PLPPR1: variants seen among roughly 807,000 people sequenced by gnomAD.
The protein encoded by PLPPR1 is phospholipid phosphatase related 1, also known as phospholipid phosphatase-related protein type 1.
Under a neutral mutation model 33.1 loss-of-function variants are expected in PLPPR1, and 10 were observed. The ratio of observed to expected loss-of-function variants is 0.30; its 90% CI spans 0.19 to 0.51. The LOEUF (loss-of-function observed/expected upper bound fraction) is 0.51. Ranked by LOEUF, PLPPR1 falls within the 20% of genes least tolerant of loss-of-function variation. The pLI, the probability that PLPPR1 is intolerant of heterozygous loss-of-function variation, is 0.97. For synonymous variants in PLPPR1, 151 were observed against 151.0 expected (o/e 1.00, Z 0.00); for missense variants, 304 against 408.1 (o/e 0.74, Z 2.20).
intron 5 of PLPPR1, among the ~76,000 whole-genome samples, chr9:101,309,847 G>A (rs553163665): frequency 9.2e-5 from 14 of 152,094 alleles, no homozygotes; most frequent in African/African-American, 2.9e-4. Context: ...CGTTGGTTTC[G>A]GAACAGCACA....
chr9:101,245,859 A>T (rs1462189266), intron 2 of PLPPR1, among the ~76,000 whole-genome samples: 1 of 151,688 alleles, frequency 6.6e-6, no homozygotes, highest in Admixed American at 6.6e-5. Flanking sequence ...GTCAAATTAC[A>T]TATTTTGACA....
At chr9:101,312,996 T>C in intron 6 of PLPPR1, 22 bp downstream of exon 6, 1 of 1,612,492 alleles carries the variant, frequency 6.2e-7, no homozygotes, top group South Asian at 1.1e-5. Context: ...TCCCTCTTTT[T>C]ACCTTTTCCC....
At chr9:101,100,941 T>G (rs1224176843) in intron 1 of PLPPR1, among the ~76,000 whole-genome samples, 3 of 152,144 alleles carry the variant, frequency 2.0e-5, no homozygotes, top group Non-Finnish European at 4.4e-5. Context: ...AATGCAGATC[T>G]GCCTGATCTC....
chr9:101,062,211 A>C (rs1272328357), intron 1 of PLPPR1, among the ~76,000 whole-genome samples: 1 of 151,276 alleles, frequency 6.6e-6, no homozygotes, highest in South Asian at 2.1e-4. Flanking sequence ...CACAAACCTG[A>C]GCATTTCATG....
intron 1 of PLPPR1, among the ~76,000 whole-genome samples, chr9:101,182,967 G>C (rs1238613841): frequency 6.6e-6 from 1 of 151,642 alleles, no homozygotes; most frequent in Non-Finnish European, 1.5e-5. Flanking sequence ...CAGTAGAATA[G>C]CTATAATAAA....
intron 1 of PLPPR1, among the ~76,000 whole-genome samples, chr9:101,043,018 T>G (rs980372313): frequency 2.0e-5 from 3 of 152,114 alleles, no homozygotes; most frequent in Non-Finnish European, 4.4e-5. Flanking sequence ...CCGGAGCAGT[T>G]ACACAGAACC....
chr9:101,318,444 T>G (rs1564037717), intron 7 of PLPPR1, among the ~76,000 whole-genome samples: 1 of 151,874 alleles, frequency 6.6e-6, no homozygotes, highest in Non-Finnish European at 1.5e-5. Flanking sequence ...ATTGAATAGA[T>G]ACTATAATTC....
chr9:101,233,048 G>C (rs1319040036), intron 2 of PLPPR1, among the ~76,000 whole-genome samples: 2 of 151,948 alleles, frequency 1.3e-5, no homozygotes, highest in Non-Finnish European at 2.9e-5. Flanking sequence ...ACCTGTGTTG[G>C]AATATACGTC....
intron 1 of PLPPR1, chr9:101,125,522 C>T: frequency 2.5e-6 from 1 of 397,584 alleles, no homozygotes; most frequent in Non-Finnish European, 4.7e-6. Flanking sequence ...GGACCCTGGA[C>T]CCAGCACCAG....
intron 1 of PLPPR1, among the ~76,000 whole-genome samples, chr9:101,112,490 C>T (rs1409529274): frequency 6.6e-6 from 1 of 152,144 alleles, no homozygotes; most frequent in Non-Finnish European, 1.5e-5. Context: ...CAGATGCAAA[C>T]AGTGTCATTA....
intron 2 of PLPPR1, among the ~76,000 whole-genome samples, chr9:101,203,718 T>TTATATAGATGTTATATATCTATCTATA (rs1826535354): frequency 6.9e-6 from 1 of 144,982 alleles, no homozygotes; most frequent in Non-Finnish European, 1.5e-5. Context: ...TATATACACA[T>TTATATAGATGTTATATATCTATCTATA]TATATAGATA....
At chr9:101,128,152 GT>G (rs1831268945) in intron 1 of PLPPR1, among the ~76,000 whole-genome samples, 1 of 152,114 alleles carries the variant, frequency 6.6e-6, no homozygotes, top group Non-Finnish European at 1.5e-5. Flanking sequence ...CATGGGCTCT[GT>G]GTCTAGAGAT....
At chr9:101,213,577 G>A (rs1019014639) in intron 2 of PLPPR1, among the ~76,000 whole-genome samples, 2 of 152,040 alleles carry the variant, frequency 1.3e-5, no homozygotes, top group Admixed American at 6.6e-5. Context: ...CCATTATCTG[G>A]AGCAATCATG....
chr9:101,106,067 G>T (rs1225289043), intron 1 of PLPPR1, among the ~76,000 whole-genome samples: 6 of 151,372 alleles, frequency 4.0e-5, no homozygotes, highest in African/African-American at 1.5e-4. Flanking sequence ...TGGGTTTCCT[G>T]AATACAGCAC....
rs867893062 is a variant in PLPPR1 at position 101,167,199 on chromosome 9, T to A, written c.-45-18251T>A. ...GTGTGTGTGTCTTTCTCTCTCTCTC[T>A]CACACACACACACATACACACACAC... On this transcript the variant is annotated intron_variant, in intron 1 of 7. Transcript: ENST00000374874. Among the ~76,000 whole-genome samples, 146 of 51,754 alleles carry A rather than the reference T, an allele frequency of 2.8e-3. 7 individuals are homozygous for A. The Middle Eastern group carries it at 0.037, about 13-fold the overall frequency. The allele number at this position is 51,754 out of a possible 152,430, so 34.0% of individuals were successfully genotyped here. A position where few individuals can be genotyped will look rare whatever the true frequency, so the allele number is the denominator to read the frequency against.
At chr9:101,124,072 T>C (rs962639610) in intron 1 of PLPPR1, among the ~76,000 whole-genome samples, 9 of 152,192 alleles carry the variant, frequency 5.9e-5, no homozygotes, top group Non-Finnish European at 1.5e-5. Flanking sequence ...TATTACTAGC[T>C]ATCATTATTT....
At chr9:101,263,037 G>A (rs541582391) in intron 2 of PLPPR1, among the ~76,000 whole-genome samples, 15 of 152,276 alleles carry the variant, frequency 9.9e-5, no homozygotes, top group Middle Eastern at 3.4e-3. Flanking sequence ...ATAGCATTAG[G>A]AGAAATACCT....
Position 101,199,482 on chromosome 9 carries a change from C to A in PLPPR1, c.63+13925C>A, listed in dbSNP as rs544515887. ...CCCATAAATTTACTCCTTCAGCAGA[C>A]CATGTGTTAGAAAAATGCGGTCACT... On this transcript the variant is annotated intron_variant, in intron 2 of 7. Transcript: ENST00000374874. 2.2e-3 allele frequency among the ~76,000 whole-genome samples: 328 copies of A among 152,262 alleles called. 2 individuals carry two copies. Among genetic ancestry groups the A allele is most frequent in the African/African-American group, 7.5e-3 (312 of 41,538 alleles).
At chr9:101,209,687 A>G (rs1826655483) in intron 2 of PLPPR1, among the ~76,000 whole-genome samples, 1 of 152,244 alleles carries the variant, frequency 6.6e-6, no homozygotes, top group African/African-American at 2.4e-5. Flanking sequence ...TGCTAGCCAA[A>G]CTATTTGATT....
Sources: gnomAD v4.1 joint callset for allele counts (sites outside exome capture counted in the v4.1 genomes callset) on GRCh38, gnomAD v4.1.1 for gene constraint, MANE v1.5 for transcripts, NCBI Gene and HGNC (gene_info 2026-07-23, HGNC 2026-07-21) for gene names.